USP28: variants seen among roughly 807,000 people sequenced by gnomAD.
USP28 encodes ubiquitin carboxyl-terminal hydrolase 28.
In USP28, 113 loss-of-function variants were observed where a neutral mutation model predicts 145.0. The observed-to-expected ratio is 0.78, with a 90% confidence interval of 0.67 to 0.91. The LOEUF (loss-of-function observed/expected upper bound fraction) is 0.91. Among genes scored for constraint, USP28 ranks in the 40% least tolerant of loss-of-function variants. USP28 has a pLI of 0.00. For synonymous variants in USP28, 447 were observed against 450.9 expected (o/e 0.99, Z 0.11); for missense variants, 1,201 against 1,289.6 (o/e 0.93, Z 1.05).
At chr11:113,839,837 A>G (rs1264475724) in intron 5 of USP28, among the ~76,000 whole-genome samples, 3 of 152,128 alleles carry the variant, frequency 2.0e-5, no homozygotes, top group Non-Finnish European at 4.4e-5. Context: ...AGCCTGACCA[A>G]CATGATGAAA....
At chr11:113,806,388 C>T in intron 19 of USP28, 101 bp downstream of exon 20, 3 of 963,322 alleles carry the variant, frequency 3.1e-6, no homozygotes, top group Non-Finnish European at 4.7e-6. Context: ...CACACACCAC[C>T]ACACCCAGCC....
At chr11:113,822,485 AG>A (rs1942768438) in intron 12 of USP28, 3 of 151,406 alleles carry the variant, frequency 2.0e-5, no homozygotes, top group Admixed American at 6.6e-5. Context: ...AGAGAGAGAG[AG>A]AGAGAGAGAG....
At chr11:113,849,037 C>G (rs1284729718) in intron 3 of USP28, among the ~76,000 whole-genome samples, 5 of 152,200 alleles carry the variant, frequency 3.3e-5, no homozygotes, top group Admixed American at 3.3e-4. Context: ...ATCTTGAAAC[C>G]TGAAATACTC....
At chr11:113,860,442 CAAAAAA>C (rs4020501) in intron 1 of USP28, among the ~76,000 whole-genome samples, 1 of 134,624 alleles carries the variant, frequency 7.4e-6, no homozygotes, top group Non-Finnish European at 1.6e-5. Context: ...CCAAGGGAAG[CAAAAAA>C]AAAAAAAAGA....
chr11:113,799,543 A>C (rs1292037557), intron 24 of USP28, 128 bp from the exon 26 acceptor site: 1 of 1,095,642 alleles, frequency 9.1e-7, no homozygotes, highest in African/African-American at 1.6e-5. Context: ...TTACTAATAA[A>C]TGATTATTCC....
Position 113,821,110 on chromosome 11 carries a change from C to T in USP28, c.1283+2495G>A, listed in dbSNP as rs555488409. 2.5e-5 allele frequency: 6 copies of T among 243,324 alleles called. No individual in the cohort carries two copies. In the East Asian group the frequency reaches 6.5e-4, roughly 26 times the overall value. 15.1% of individuals were successfully genotyped at this position (243,324 alleles called of 1,614,324 possible). A position where few individuals can be genotyped will look rare whatever the true frequency, so the allele number is the denominator to read the frequency against. ...GGGACTTGGGATGAAAGTACTGGGG[C>T]TTTGAAGTCATTGTGGATGGCATGT... On this transcript the variant is annotated intron_variant, in intron 12 of 24. Transcript: ENST00000003302.
intron 3 of USP28, among the ~76,000 whole-genome samples, chr11:113,848,863 A>G (rs1459452440): frequency 2.0e-5 from 3 of 152,160 alleles, no homozygotes; most frequent in Non-Finnish European, 4.4e-5. Context: ...GGTAGGGACA[A>G]ACTGATTGCG....
At chr11:113,838,691 C>T (rs989814679) in intron 5 of USP28, among the ~76,000 whole-genome samples, 3 of 152,224 alleles carry the variant, frequency 2.0e-5, no homozygotes, top group Non-Finnish European at 4.4e-5. Context: ...CCAGCTGAAC[C>T]CTGTCCAGTC....
chr11:113,853,906 C>T (rs1290566385), intron 2 of USP28, among the ~76,000 whole-genome samples: 3 of 141,942 alleles, frequency 2.1e-5, no homozygotes, highest in African/African-American at 8.0e-5. Flanking sequence ...TATATATATA[C>T]ATACCTTAAG....
At chr11:113,833,540 CATG>C (rs1279668058) in exon 7 of USP28, 5 of 1,613,582 alleles carry the variant, frequency 3.1e-6, no homozygotes, top group African/African-American at 1.3e-5. Flanking sequence ...CTTGCATAAA[CATG>C]ATATTTCTCT....
intron 4 of USP28, 54 bp downstream of exon 4, chr11:113,841,602 GCTGTTGC>G (rs1565440958): frequency 1.9e-6 from 2 of 1,040,382 alleles, no homozygotes. Flanking sequence ...CATTCACAGA[GCTGTTGC>G]CTTTGAGATA....
chr11:113,817,807 C>T, exon 13 of USP28: 2 of 1,614,152 alleles, frequency 1.2e-6, no homozygotes, highest in Non-Finnish European at 1.7e-6. Flanking sequence ...GGAGCGGGAA[C>T]CGAGCTGGGC....
intron 24 of USP28, among the ~76,000 whole-genome samples, chr11:113,800,420 A>C (rs551964128): frequency 6.6e-6 from 1 of 152,096 alleles, no homozygotes; most frequent in African/African-American, 2.4e-5. Flanking sequence ...CTCTCACCTC[A>C]GGCTCCTGAG....
intron 1 of USP28, 21 bp downstream of exon 1, chr11:113,875,424 G>A: frequency 3.2e-6 from 4 of 1,236,156 alleles, no homozygotes; most frequent in Admixed American, 3.7e-5. Context: ...CCCAGCTCCC[G>A]CTCGCCGCCG....
rs1943731034 is a variant in USP28 at position 113,829,412 on chromosome 11, CCA to C, written c.911-69_911-68del. ...ACTATCTAAAGCCTATCTTCTGGCT[CCA>C]CAGAGACAACATTTTAAATTCAGCA... On this transcript the variant is annotated intron_variant, in intron 9 of 24. Coordinates refer to ENST00000003302, the Ensembl canonical transcript of USP28. 38 of 1,573,334 alleles carry C rather than the reference CCA, an allele frequency of 2.4e-5. No homozygotes were observed. The East Asian group carries it at 8.5e-4, about 35-fold the overall frequency.
At chr11:113,810,636 G>C (rs1301044072) in intron 16 of USP28, among the ~76,000 whole-genome samples, 1 of 152,140 alleles carries the variant, frequency 6.6e-6, no homozygotes, top group Non-Finnish European at 1.5e-5. Context: ...AACCACACTA[G>C]CAAATCAGAA....
intron 11 of USP28, among the ~76,000 whole-genome samples, chr11:113,825,658 C>G (rs975383607): frequency 6.6e-6 from 1 of 152,140 alleles, no homozygotes; most frequent in African/African-American, 2.4e-5. Flanking sequence ...CTCAGCAATA[C>G]AAAGGAGCAA....
intron 5 of USP28, among the ~76,000 whole-genome samples, chr11:113,839,749 G>C (rs1482982468): frequency 6.6e-6 from 1 of 152,132 alleles, no homozygotes; most frequent in Non-Finnish European, 1.5e-5. Flanking sequence ...GGGTGGCCAG[G>C]CGCGGTGGCT....
chr11:113,851,826 C>T (rs1465099110), intron 3 of USP28, among the ~76,000 whole-genome samples: 1 of 127,172 alleles, frequency 7.9e-6, no homozygotes, highest in African/African-American at 2.7e-5. Context: ...AAATACAGTC[C>T]CCAGCACTCT....
Sources: gnomAD v4.1 joint callset for allele counts (sites outside exome capture counted in the v4.1 genomes callset) on GRCh38, gnomAD v4.1.1 for gene constraint, MANE v1.5 for transcripts, NCBI Gene and HGNC (gene_info 2026-07-23, HGNC 2026-07-21) for gene names.